The following RAP1A variants were observed in gnomAD, a reference collection of about 807,000 sequenced individuals.
RAP1A encodes ras-related protein Rap-1A.
RAP1A carries 6 observed loss-of-function variants against 26.4 expected under a neutral mutation model. That is an observed-to-expected ratio of 0.23 (90% CI 0.12 to 0.45). The LOEUF (loss-of-function observed/expected upper bound fraction) is 0.45. RAP1A is among the 20% of genes least tolerant of loss of function. The probability of loss-of-function intolerance (pLI) is 0.99; values close to 1 mark genes in which losing one functional copy is unlikely to be tolerated. For missense variants in RAP1A, 121 were observed against 217.2 expected (o/e 0.56, Z 2.78); for synonymous variants, 73 against 79.4 (o/e 0.92, Z 0.43).
chr1:111,657,124 A>G (rs1437484427), intron 1 of RAP1A, among the ~76,000 whole-genome samples: 4 of 152,148 alleles, frequency 2.6e-5, no homozygotes, highest in Admixed American at 6.5e-5. Flanking sequence ...ACTTCTGTGC[A>G]TCAAAGAACA....
At chr1:111,641,870 C>G (rs1390614093) in intron 1 of RAP1A, among the ~76,000 whole-genome samples, 1 of 152,208 alleles carries the variant, frequency 6.6e-6, no homozygotes, top group East Asian at 1.9e-4. Flanking sequence ...GCCACAGTGC[C>G]AGAGTTTTAA....
chr1:111,694,528 A>G (rs974783951), intron 2 of RAP1A, among the ~76,000 whole-genome samples: 2 of 152,186 alleles, frequency 1.3e-5, no homozygotes, highest in African/African-American at 4.8e-5. Flanking sequence ...CACTTACTGA[A>G]TGATAAATAC....
chr1:111,682,011 T>C (rs1364233925), intron 1 of RAP1A, among the ~76,000 whole-genome samples: 1 of 152,146 alleles, frequency 6.6e-6, no homozygotes, highest in African/African-American at 2.4e-5. Context: ...GCAGAAACCC[T>C]ACAAGCCAGA....
rs149186432 is a variant in RAP1A, at chr1:111,593,298, G to T, written c.-28+50789G>T. The stretch of plus-strand genomic sequence containing the variant: ...CTTGGAATTCTTTGCTCAAGTTGCT[G>T]CAAAGCTGCTAATTAGGAACCTGCA... On this transcript the variant is annotated intron_variant, in intron 1 of 7. Transcript: ENST00000356415. Among the ~76,000 whole-genome samples, 280 of 152,320 alleles carry T rather than the reference G, an allele frequency of 1.8e-3. 1 individual carries two copies. The highest frequency in any genetic ancestry group is 6.4e-3 in the African/African-American group (267 of 41,568).
intron 1 of RAP1A, among the ~76,000 whole-genome samples, chr1:111,688,579 G>A (rs1028862955): frequency 6.6e-6 from 1 of 151,774 alleles, no homozygotes; most frequent in Non-Finnish European, 1.5e-5. Context: ...CTTGGCCTCC[G>A]AAAGTGCTGG....
chr1:111,599,067 C>T (rs1658617140), intron 1 of RAP1A, among the ~76,000 whole-genome samples: 1 of 152,170 alleles, frequency 6.6e-6, no homozygotes, highest in African/African-American at 2.4e-5. Context: ...AGCTTCCATG[C>T]CCTCTGGACA....
At chr1:111,705,010 T>C (rs1487116680) in intron 6 of RAP1A, among the ~76,000 whole-genome samples, 1 of 151,896 alleles carries the variant, frequency 6.6e-6, no homozygotes, top group East Asian at 1.9e-4. Flanking sequence ...AAGGCTTTTG[T>C]GTGGGGCATG....
At chr1:111,637,864 A>G (rs189789516) in intron 1 of RAP1A, among the ~76,000 whole-genome samples, 4 of 152,238 alleles carry the variant, frequency 2.6e-5, no homozygotes, top group Admixed American at 6.5e-5. Flanking sequence ...GAATATCATT[A>G]TAGTTGAATT....
chr1:111,648,765 T>TGA, intron 1 of RAP1A: 1 of 612,242 alleles, frequency 1.6e-6, no homozygotes, highest in Non-Finnish European at 3.1e-6. Flanking sequence ...CTCAATCTGC[T>TGA]GAGACCAGTA....
At chr1:111,589,736 G>T (rs897354046) in intron 1 of RAP1A, among the ~76,000 whole-genome samples, 41 of 152,004 alleles carry the variant, frequency 2.7e-4, no homozygotes, top group African/African-American at 9.7e-4. Context: ...TTTTGCAACA[G>T]GGTCTCACTT....
intron 1 of RAP1A, among the ~76,000 whole-genome samples, chr1:111,578,681 G>C (rs10745319): frequency 6.6e-6 from 1 of 151,672 alleles, no homozygotes; most frequent in African/African-American, 2.4e-5. Context: ...GTTTTTCCCC[G>C]TACACCAAGC....
intron 1 of RAP1A, among the ~76,000 whole-genome samples, chr1:111,667,086 A>G (rs1660817513): frequency 6.6e-6 from 1 of 152,186 alleles, no homozygotes; most frequent in African/African-American, 2.4e-5. Context: ...AACTCAAGTG[A>G]GCAACAATGG....
intron 1 of RAP1A, among the ~76,000 whole-genome samples, chr1:111,658,209 G>A (rs1660527656): frequency 6.6e-6 from 1 of 152,060 alleles, no homozygotes; most frequent in African/African-American, 2.4e-5. Context: ...ACTTTTGTAA[G>A]TGATTTTTTA....
At chr1:111,693,793 T>C (rs1033841226) in intron 2 of RAP1A, among the ~76,000 whole-genome samples, 4 of 152,116 alleles carry the variant, frequency 2.6e-5, no homozygotes, top group Admixed American at 6.5e-5. Context: ...TACATCTTAG[T>C]ATTGTTAGGA....
chr1:111,686,554 G>T (rs1381765777), intron 1 of RAP1A: 3 of 152,054 alleles, frequency 2.0e-5, no homozygotes, highest in African/African-American at 4.8e-5. Flanking sequence ...ACCCAGTTGT[G>T]GTGGTGCATG....
At chr1:111,548,062 C>T (rs1657103321) in intron 1 of RAP1A, among the ~76,000 whole-genome samples, 1 of 152,166 alleles carries the variant, frequency 6.6e-6, no homozygotes, top group Admixed American at 6.5e-5. Flanking sequence ...ACTCTGTTGC[C>T]CAGGCTGGTG....
chr1:111,656,047 C>T (rs1395438122), intron 1 of RAP1A, among the ~76,000 whole-genome samples: 1 of 151,904 alleles, frequency 6.6e-6, no homozygotes, highest in Non-Finnish European at 1.5e-5. Flanking sequence ...AAAAAAATGA[C>T]AACTGGATAA....
At position 111,687,706 on chromosome 1, in the gene RAP1A, G is replaced by T. The variant is rs181984717; in HGVS notation, c.-27-3628G>T. Among the ~76,000 whole-genome samples, 6 of 151,804 alleles carry T rather than the reference G, an allele frequency of 4.0e-5. No individual in the cohort carries two copies. In the East Asian group the frequency reaches 1.2e-3, roughly 29 times the overall value. ...AAACCCTGTGATTGTTACCATTTTT[G>T]ATTTAAGTGGTGAAATTACTTTTGT... On this transcript the variant is annotated intron_variant, in intron 1 of 7. Coordinates refer to ENST00000369709, the MANE Select transcript of RAP1A (RefSeq NM_002884.4).
chr1:111,653,640 G>A (rs912499673), intron 1 of RAP1A, among the ~76,000 whole-genome samples: 38 of 131,190 alleles, frequency 2.9e-4, no homozygotes, highest in African/African-American at 1.1e-3. Context: ...CCGAGATCAC[G>A]CCATTGCACT....
Sources: gnomAD v4.1 joint callset for allele counts (sites outside exome capture counted in the v4.1 genomes callset) on GRCh38, gnomAD v4.1.1 for gene constraint, MANE v1.5 for transcripts, NCBI Gene and HGNC (gene_info 2026-07-23, HGNC 2026-07-21) for gene names.